Variants in MSRA observed in about 807,000 individuals in gnomAD.
MSRA encodes mitochondrial peptide methionine sulfoxide reductase.
In MSRA, 54 loss-of-function variants were observed where a neutral mutation model predicts 31.3. The observed-to-expected ratio is 1.73, with a 90% CI of 1.39 to 2.17. MSRA has a LOEUF of 2.17. Ranked by LOEUF, MSRA falls within the 30% of genes most tolerant of loss-of-function variation. The pLI is 0.00. For synonymous variants in MSRA, 169 were observed against 116.5 expected, an observed-to-expected ratio of 1.45 and a Z score of -2.90; for missense variants, 507 against 300.9, an observed-to-expected ratio of 1.69 and a Z score of -5.07.
chr8:10,082,870 A>T (rs1387754739), intron 1 of MSRA, among the ~76,000 whole-genome samples: 1 of 152,242 alleles, frequency 6.6e-6, no homozygotes, highest in Non-Finnish European at 1.5e-5. Context: ...ACAGAGTAGG[A>T]ATTCAATCAA....
intron 1 of MSRA, among the ~76,000 whole-genome samples, chr8:10,099,591 A>T (rs532418129): frequency 6.6e-6 from 1 of 152,228 alleles, no homozygotes; most frequent in Non-Finnish European, 1.5e-5. Flanking sequence ...GGCGAACCAG[A>T]GTATTAGCTT....
chr8:10,422,448 C>A (rs761477550), intron 5 of MSRA, among the ~76,000 whole-genome samples: 4 of 152,180 alleles, frequency 2.6e-5, no homozygotes, highest in Non-Finnish European at 5.9e-5. Context: ...TTCCTGGGGT[C>A]ATTGAGGAAG....
intron 5 of MSRA, among the ~76,000 whole-genome samples, chr8:10,370,697 T>C (rs561248012): frequency 2.6e-5 from 4 of 152,318 alleles, no homozygotes; most frequent in Non-Finnish European, 4.4e-5. Flanking sequence ...CCAGGCCACG[T>C]TACATACCTG....
intron 1 of MSRA, among the ~76,000 whole-genome samples, chr8:10,164,833 G>GCCTGA (rs1804975131): frequency 6.6e-6 from 1 of 152,100 alleles, no homozygotes; most frequent in South Asian, 2.1e-4. Context: ...TTCGAGACCA[G>GCCTGA]CCTGACCAAC....
chr8:10,167,969 G>C (rs1805286129), intron 1 of MSRA, among the ~76,000 whole-genome samples: 1 of 152,186 alleles, frequency 6.6e-6, no homozygotes, highest in African/African-American at 2.4e-5. Flanking sequence ...GAGAAGCTCT[G>C]TTAGGACTTG....
At chr8:10,390,895 G>C (rs948054622) in intron 5 of MSRA, among the ~76,000 whole-genome samples, 3 of 151,554 alleles carry the variant, frequency 2.0e-5, no homozygotes, top group Non-Finnish European at 4.4e-5. Context: ...AGAATGACGT[G>C]AACCCGGGAG....
intron 5 of MSRA, among the ~76,000 whole-genome samples, chr8:10,396,411 C>T (rs965369113): frequency 2.6e-5 from 4 of 152,162 alleles, no homozygotes; most frequent in African/African-American, 9.7e-5. Flanking sequence ...AAGTCTATAT[C>T]ATCAAAGGAA....
chr8:10,363,478 G>C (rs1013076749), intron 5 of MSRA, among the ~76,000 whole-genome samples: 1 of 152,058 alleles, frequency 6.6e-6, no homozygotes, highest in Non-Finnish European at 1.5e-5. Flanking sequence ...CCCTTAGCAC[G>C]TGATCCATAT....
intron 1 of MSRA, among the ~76,000 whole-genome samples, chr8:10,064,562 A>T (rs1052761677): frequency 2.6e-5 from 4 of 152,196 alleles, no homozygotes; most frequent in African/African-American, 9.7e-5. Flanking sequence ...TATTTAGATG[A>T]TTATAAATAC....
At chr8:10,179,967 C>A (rs905398127) in intron 1 of MSRA, among the ~76,000 whole-genome samples, 1 of 152,116 alleles carries the variant, frequency 6.6e-6, no homozygotes, top group East Asian at 1.9e-4. Context: ...ATAGATTTTC[C>A]ACACCAAGCC....
chr8:10,072,595 C>A (rs1797791014), intron 1 of MSRA, among the ~76,000 whole-genome samples: 1 of 152,132 alleles, frequency 6.6e-6, no homozygotes, highest in African/African-American at 2.4e-5. Flanking sequence ...AGGTCTGTCC[C>A]ACTCCATATA....
At chr8:10,352,081 G>A (rs1804186297) in intron 5 of MSRA, among the ~76,000 whole-genome samples, 1 of 152,210 alleles carries the variant, frequency 6.6e-6, no homozygotes, top group Non-Finnish European at 1.5e-5. Context: ...AAATGAGCTG[G>A]ATGAAATAGC....
chr8:10,207,810 C>G (rs190341092), intron 1 of MSRA, 23 bp from the exon 2 acceptor site: 15 of 1,569,686 alleles, frequency 9.6e-6, no homozygotes, highest in East Asian at 4.5e-5. Context: ...CTTAAACTTG[C>G]ATTTCTTTTT....
intron 1 of MSRA, among the ~76,000 whole-genome samples, chr8:10,108,101 T>TGC (rs1800015690): frequency 6.6e-6 from 1 of 152,210 alleles, no homozygotes; most frequent in Non-Finnish European, 1.5e-5. Flanking sequence ...AGGCCTCCCT[T>TGC]AGCCCAGACT....
At chr8:10,095,732 TAG>T (rs1799109368) in intron 1 of MSRA, 18 of 1,098,000 alleles carry the variant, frequency 1.6e-5, no homozygotes, top group Admixed American at 1.0e-4. Context: ...TTTTCAAACT[TAG>T]AAGGCTTTTT....
intron 1 of MSRA, among the ~76,000 whole-genome samples, chr8:10,062,817 C>T (rs759330282): frequency 6.6e-5 from 10 of 152,236 alleles, no homozygotes; most frequent in African/African-American, 1.9e-4. Flanking sequence ...AGGAGTGGAT[C>T]GTGTGATAGG....
Position 10,181,195 on chromosome 8 carries a change from C to A in MSRA, c.143-26638C>A, listed in dbSNP as rs148273732. Among the ~76,000 whole-genome samples, 214 of 152,202 alleles carry A rather than the reference C, an allele frequency of 1.4e-3. 1 individual carries two copies. The highest frequency in any genetic ancestry group is 5.0e-3 in the Admixed American group (77 of 15,294). On this transcript the variant is annotated intron_variant, in intron 1 of 5. Coordinates refer to ENST00000317173, the MANE Select transcript of MSRA (RefSeq NM_012331.5). ...TAATTTCAGATAGTGCTACATGTTT[C>A]AAAGTAAACTTAAAGCAGAAGGCCT...
chr8:10,352,226 G>C (rs1242898552), intron 5 of MSRA, among the ~76,000 whole-genome samples: 1 of 152,152 alleles, frequency 6.6e-6, no homozygotes, highest in Non-Finnish European at 1.5e-5. Context: ...TTCGTGTAGT[G>C]AATTTTTCCT....
intron 5 of MSRA, among the ~76,000 whole-genome samples, chr8:10,366,972 C>T (rs763311766): frequency 9.2e-5 from 14 of 152,114 alleles, no homozygotes; most frequent in South Asian, 2.1e-4. Flanking sequence ...TCCCCTTATC[C>T]GCCGTTTCGC....
Sources: allele counts gnomAD v4.1 joint callset (sites outside exome capture counted in the v4.1 genomes callset), GRCh38; gene constraint gnomAD v4.1.1; transcripts MANE v1.5; gene names NCBI Gene and HGNC (gene_info 2026-07-23, HGNC 2026-07-21).